Variants in ECHDC2 observed in about 807,000 individuals in gnomAD.
ECHDC2 encodes the protein enoyl-CoA hydratase domain containing 2.
Under a neutral mutation model 40.6 loss-of-function variants are expected in ECHDC2, and 34 were observed. The ratio of observed to expected loss-of-function variants is 0.84; its 90% confidence interval spans 0.64 to 1.11. The LOEUF is 1.11. Among genes scored for constraint, ECHDC2 ranks in the 50% most tolerant of loss-of-function variants. The probability of loss-of-function intolerance (pLI) is 0.00; values close to 1 mark genes in which losing one functional copy is unlikely to be tolerated. For synonymous variants in ECHDC2, 162 were observed against 166.6 expected, an observed-to-expected ratio of 0.97 and a Z score of 0.21; for missense variants, 392 against 400.7, an observed-to-expected ratio of 0.98 and a Z score of 0.19.
At chr1:52,897,375 A>G (rs1238382219) in intron 9 of ECHDC2, 62 bp downstream of exon 9, 13 of 1,553,688 alleles carry the variant, frequency 8.4e-6, no homozygotes, top group Non-Finnish European at 1.2e-5. Context: ...TGTACCATAC[A>G]AAGTCCCTCT....
At chr1:52,915,158 C>T (rs1650404283) in intron 1 of ECHDC2, 5 of 454,338 alleles carry the variant, frequency 1.1e-5, no homozygotes, top group South Asian at 7.8e-5. Context: ...GGCTGTTTCT[C>T]CTCCTACGAA....
chr1:52,912,200 A>C, intron 1 of ECHDC2: 1 of 233,674 alleles, frequency 4.3e-6, no homozygotes, highest in Non-Finnish European at 6.9e-6. Flanking sequence ...GGCGGGGGAG[A>C]GTTTTGCTGT....
chr1:52,906,194 T>TA, intron 5 of ECHDC2: 1 of 389,970 alleles, frequency 2.6e-6, no homozygotes, highest in Non-Finnish European at 5.0e-6. Context: ...ACATGGTCGA[T>TA]AAATCTGACT....
intron 1 of ECHDC2, chr1:52,917,712 C>T: frequency 2.4e-5 from 11 of 450,348 alleles, no homozygotes; most frequent in South Asian, 1.7e-4. Context: ...ATATAAGTCC[C>T]ATCAGACTCT....
chr1:52,911,719 T>C lies in ECHDC2; in HGVS notation c.189+4A>G. On this transcript the variant is annotated splice_donor_region_variant and intron_variant, in intron 2 of 9. Coordinates refer to ENST00000371522, the MANE Select transcript of ECHDC2 (RefSeq NM_001198961.2). The stretch of plus-strand genomic sequence containing the variant: ...AGCCCACCCTGGCGCCCGCCCTTTC[T>C]TACCTCACTGACGAAGACATTCCCC... 6.2e-7 allele frequency: 1 copy of C among 1,613,744 alleles called. No individual in the cohort carries two copies. The highest frequency in any genetic ancestry group is 8.5e-7 in the Non-Finnish European group (1 of 1,179,766).
chr1:52,906,308 C>G, intron 5 of ECHDC2: 2 of 661,554 alleles, frequency 3.0e-6, no homozygotes, highest in Non-Finnish European at 5.6e-6. Context: ...GAAGCAGGTT[C>G]TGACAGGTCA....
chr1:52,909,829 C>T (rs1013866671), intron 3 of ECHDC2, among the ~76,000 whole-genome samples: 25 of 152,190 alleles, frequency 1.6e-4, no homozygotes, highest in African/African-American at 6.0e-4. Context: ...GCGGAACCTG[C>T]AGATGCAGAG....
Position 52,906,400 on chromosome 1 carries a change from G to C in ECHDC2, c.457+119C>G, listed in dbSNP as rs1647820658. On this transcript the variant is annotated intron_variant, in intron 5 of 9. Coordinates refer to ENST00000371522, the MANE Select transcript of ECHDC2 (RefSeq NM_001198961.2). ...ACCCTCTGTGCTCTGCCTTGCCTTA[G>C]TTTTGCTTTTGGTTGGAAGCCAAGA... The C allele has an allele frequency of 6.7e-6, 6 of 892,834 alleles. No individual in the cohort carries two copies. The Admixed American group carries it at 1.0e-4, about 15-fold the overall frequency. 55.3% of individuals were successfully genotyped at this position (892,834 alleles called of 1,614,324 possible).
chr1:52,916,435 A>C (rs953889133), intron 1 of ECHDC2, among the ~76,000 whole-genome samples: 1 of 152,152 alleles, frequency 6.6e-6, no homozygotes, highest in Non-Finnish European at 1.5e-5. Context: ...GCCACACACC[A>C]GCCCCATGGC....
intron 1 of ECHDC2, among the ~76,000 whole-genome samples, chr1:52,916,039 G>A (rs774171633): frequency 3.3e-5 from 5 of 152,142 alleles, no homozygotes; most frequent in Non-Finnish European, 7.3e-5. Context: ...TGACGACCTT[G>A]GAAGCAGATC....
chr1:52,903,925 C>A (rs961915632), intron 7 of ECHDC2, among the ~76,000 whole-genome samples: 1 of 151,324 alleles, frequency 6.6e-6, no homozygotes, highest in East Asian at 2.0e-4. Flanking sequence ...TCAAGCGATT[C>A]TCCTGCCTCA....
rs1650191208 is a variant in ECHDC2 at position 52,914,252 on chromosome 1, G to A, written c.122-2462C>T. Among the ~76,000 whole-genome samples the A allele has an allele frequency of 6.6e-6, 1 of 152,232 alleles. No individual in the cohort carries two copies. On this transcript the variant is annotated intron_variant, in intron 1 of 9. Transcript: ENST00000371522. The surrounding 1 kb of genome is among the most constrained non-coding windows in gnomAD (Gnocchi z 4.0). ...GGAGGCAGTGGCCTTTAAGCTGAGAGCTGACAGGAGAGTAGGAATTGGCCA... is the reference window on the plus strand; with the variant it reads ...GGAGGCAGTGGCCTTTAAGCTGAGAACTGACAGGAGAGTAGGAATTGGCCA...
chr1:52,908,054 G>T, intron 3 of ECHDC2, 100 bp from the exon 4 acceptor site: 1 of 1,037,366 alleles, frequency 9.6e-7, no homozygotes, highest in Non-Finnish European at 1.5e-6. Flanking sequence ...AGGACAGGCA[G>T]CCAGCGAGGA....
chr1:52,908,266 T>C (rs1419552249), intron 3 of ECHDC2, among the ~76,000 whole-genome samples: 1 of 152,080 alleles, frequency 6.6e-6, no homozygotes, highest in Non-Finnish European at 1.5e-5. Flanking sequence ...TCTCAGCATT[T>C]TGGGAGGCCG....
intron 8 of ECHDC2, chr1:52,898,147 C>G (rs926620430): frequency 1.3e-5 from 2 of 153,618 alleles, no homozygotes; most frequent in South Asian, 4.1e-4. Context: ...GTATGGTAGC[C>G]ACTAGCCGCA....
At chr1:52,905,188 T>C (rs981595902) in intron 5 of ECHDC2, 98 bp from the exon 6 acceptor site, 4 of 1,339,850 alleles carry the variant, frequency 3.0e-6, no homozygotes, top group Non-Finnish European at 4.2e-6. Flanking sequence ...CTCGCCCCTC[T>C]AGCCACTTGC....
chr1:52,921,333 G>T, intron 1 of ECHDC2: 2 of 1,122,568 alleles, frequency 1.8e-6, no homozygotes, highest in Non-Finnish European at 2.4e-6. Context: ...CCTTTGAAGA[G>T]ACCGAGGTTG....
chr1:52,909,523 TA>T (rs35263010), intron 3 of ECHDC2, among the ~76,000 whole-genome samples: 4,300 of 135,260 alleles, frequency 0.032, 147 homozygotes, highest in East Asian at 0.22. Context: ...CTGATGAGCT[TA>T]AAAAAAAAAA....
At chr1:52,917,288 C>T (rs1303452459) in intron 1 of ECHDC2, among the ~76,000 whole-genome samples, 1 of 151,400 alleles carries the variant, frequency 6.6e-6, no homozygotes, top group Non-Finnish European at 1.5e-5. Context: ...CAACACTTTA[C>T]TATACAGAAG....
Sources: allele counts gnomAD v4.1 joint callset (sites outside exome capture counted in the v4.1 genomes callset), GRCh38; gene constraint gnomAD v4.1.1; non-coding constraint Gnocchi (gnomAD v3.1); transcripts MANE v1.5; gene names NCBI Gene and HGNC (gene_info 2026-07-23, HGNC 2026-07-21).